ULK4: variants seen among roughly 807,000 people sequenced by gnomAD.
ULK4 encodes the protein unc-51 like kinase 4.
Under a neutral mutation model 160.6 loss-of-function variants are expected in ULK4, and 133 were observed. The observed-to-expected ratio is 0.83, with a 90% CI of 0.72 to 0.96. The LOEUF (loss-of-function observed/expected upper bound fraction) is 0.96, where lower values mean the gene tolerates loss of function less well. Among genes scored for constraint, ULK4 ranks in the 40% least tolerant of loss-of-function variants. The pLI is 0.00. For missense variants in ULK4, 1,580 were observed against 1,499.5 expected (o/e 1.05, Z -0.89); for synonymous variants, 534 against 539.8 (o/e 0.99, Z 0.15).
chr3:41,355,959 T>C (rs966335340), intron 35 of ULK4, among the ~76,000 whole-genome samples: 35 of 152,188 alleles, frequency 2.3e-4, no homozygotes, highest in Non-Finnish European at 4.9e-4. Context: ...AAATACTCTA[T>C]GCAAACCATT....
intron 31 of ULK4, among the ~76,000 whole-genome samples, chr3:41,570,453 T>C (rs1384854910): frequency 6.6e-6 from 1 of 152,216 alleles, no homozygotes; most frequent in East Asian, 1.9e-4. Context: ...TTACTCGTGA[T>C]AAAGTAACCA....
chr3:41,680,616 T>G (rs576874884), intron 29 of ULK4, among the ~76,000 whole-genome samples: 1 of 152,206 alleles, frequency 6.6e-6, no homozygotes, highest in Non-Finnish European at 1.5e-5. Context: ...AAAATCAGAA[T>G]GTAATTACAT....
rs1454005947 is a variant in ULK4, at chr3:41,455,558, G to A, written c.3431C>T (p.Ala1144Val). 6.2e-6 allele frequency: 10 copies of A among 1,613,814 alleles called. No individual in the cohort carries two copies. The highest frequency in any genetic ancestry group is 1.3e-5 in the African/African-American group (1 of 74,896). The change falls in exon 34 of 37, where the codon GCA (alanine) becomes GTA (valine). Residue 1144 changes from alanine to valine, a missense_variant. Physicochemically the swap from Ala to Val is moderately conservative, Grantham distance 64. Transcript: ENST00000301831. ...TCTGTTGAGCAGCAGCAGGTCTTCT[G>A]CAGCCTGAGGGTCCTCTCCTGAGCC... ...KSGSGEDPQA[A>V]EDLLLLNRPL...
At chr3:41,338,981 G>A (rs1287389932) in intron 35 of ULK4, among the ~76,000 whole-genome samples, 1 of 151,658 alleles carries the variant, frequency 6.6e-6, no homozygotes, top group East Asian at 2.0e-4. Flanking sequence ...CTCTGGGGAG[G>A]GCCACTTGCT....
chr3:41,656,225 G>A (rs2034931218), intron 30 of ULK4, among the ~76,000 whole-genome samples: 1 of 152,006 alleles, frequency 6.6e-6, no homozygotes, highest in African/African-American at 2.4e-5. Context: ...GGAAGGGGCG[G>A]GGGGAAAGAA....
chr3:41,663,914 G>A (rs2035269046), intron 29 of ULK4, among the ~76,000 whole-genome samples: 1 of 152,070 alleles, frequency 6.6e-6, no homozygotes, highest in African/African-American at 2.4e-5. Flanking sequence ...AATATAGAAA[G>A]ACAAAAGGAA....
intron 34 of ULK4, among the ~76,000 whole-genome samples, chr3:41,446,473 A>C (rs1448047027): frequency 6.6e-6 from 1 of 152,162 alleles, no homozygotes; most frequent in Admixed American, 6.5e-5. Flanking sequence ...CTTGGAACCA[A>C]GCCAAATGTC....
chr3:41,642,760 A>G (rs995654633), intron 30 of ULK4, among the ~76,000 whole-genome samples: 23 of 152,272 alleles, frequency 1.5e-4, no homozygotes, highest in Admixed American at 6.5e-4. Flanking sequence ...CTGAAGAATC[A>G]CCACACTGAC....
chr3:41,947,157 C>G (rs1020122969), intron 2 of ULK4, among the ~76,000 whole-genome samples: 4 of 152,102 alleles, frequency 2.6e-5, no homozygotes, highest in Admixed American at 1.3e-4. Flanking sequence ...GAAACCCCGT[C>G]TCTACTAAAA....
At position 41,388,026 on chromosome 3, in the gene ULK4, C is replaced by A. The variant is rs1264276656; in HGVS notation, c.3678+10053G>T. 8.1e-4 allele frequency among the ~76,000 whole-genome samples: 124 copies of A among 152,270 alleles called. 1 individual carries two copies. The highest frequency in any genetic ancestry group is 5.4e-3 in the South Asian group (26 of 4,826). On this transcript the variant is annotated intron_variant, in intron 35 of 36. Transcript: ENST00000301831. Reference sequence around the variant, plus strand: ...GTGTTCTTATTTTTCCACATCCTCTCCAGCACCTGTTGTTTCCTGACTTTG... The same window carrying A: ...GTGTTCTTATTTTTCCACATCCTCTACAGCACCTGTTGTTTCCTGACTTTG...
chr3:41,850,221 T>C (rs1164809807), intron 17 of ULK4, among the ~76,000 whole-genome samples: 2 of 152,204 alleles, frequency 1.3e-5, no homozygotes, highest in East Asian at 3.8e-4. Context: ...TTGTGGGACA[T>C]TTGGGTTGGT....
At chr3:41,873,525 A>G (rs1488290675) in intron 17 of ULK4, among the ~76,000 whole-genome samples, 1 of 151,654 alleles carries the variant, frequency 6.6e-6, no homozygotes, top group Non-Finnish European at 1.5e-5. Flanking sequence ...ATTTTACCCT[A>G]CATTTTTAGG....
chr3:41,336,122 G>A (rs2080550281), intron 35 of ULK4, among the ~76,000 whole-genome samples: 1 of 152,186 alleles, frequency 6.6e-6, no homozygotes, highest in Non-Finnish European at 1.5e-5. Flanking sequence ...GCTAGGCCAA[G>A]AGTGTAAGTG....
chr3:41,554,525 T>C lies in ULK4; in HGVS notation c.3226+11500A>G, dbSNP rs142866945. Among the ~76,000 whole-genome samples the C allele has an allele frequency of 3.3e-5, 5 of 152,138 alleles. No homozygotes were observed. In the South Asian group the frequency reaches 8.3e-4, roughly 25 times the overall value. On this transcript the variant is annotated intron_variant, in intron 32 of 36. Coordinates refer to ENST00000301831, the MANE Select transcript of ULK4 (RefSeq NM_017886.4). The stretch of plus-strand genomic sequence containing the variant: ...AAGTTGATCTCATGTAGGTAGAAAG[T>C]AGGATGATAGTTACCAGAGGCTGGG...
chr3:41,917,817 T>C (rs928710594), intron 7 of ULK4, among the ~76,000 whole-genome samples: 2 of 151,696 alleles, frequency 1.3e-5, no homozygotes, highest in Non-Finnish European at 1.5e-5. Context: ...CCGTCTCTAA[T>C]AAAAAACAAA....
At chr3:41,403,861 AGT>A (rs1253219863) in intron 34 of ULK4, among the ~76,000 whole-genome samples, 1 of 152,090 alleles carries the variant, frequency 6.6e-6, no homozygotes, top group Non-Finnish European at 1.5e-5. Context: ...ATGAGTTATC[AGT>A]GTGTTTACTT....
chr3:41,300,836 ATTATAT>A (rs1200587965), intron 35 of ULK4, among the ~76,000 whole-genome samples: 2,593 of 79,364 alleles, frequency 0.033, 161 homozygotes, highest in Middle Eastern at 0.054. Flanking sequence ...CATTTTACAG[ATTATAT>A]ATATATATAT....
intron 17 of ULK4, among the ~76,000 whole-genome samples, chr3:41,838,378 G>A (rs1303921311): frequency 6.6e-6 from 1 of 152,148 alleles, no homozygotes; most frequent in Admixed American, 6.5e-5. Flanking sequence ...GTAAAGGGAT[G>A]AAAAGGAGGG....
At chr3:41,849,006 C>T (rs2042139976) in intron 17 of ULK4, among the ~76,000 whole-genome samples, 1 of 152,182 alleles carries the variant, frequency 6.6e-6, no homozygotes, top group East Asian at 1.9e-4. Context: ...ATTTTCCATA[C>T]TCTCTTCCTC....
Sources: gnomAD v4.1 joint callset for allele counts (sites outside exome capture counted in the v4.1 genomes callset) on GRCh38, gnomAD v4.1.1 for gene constraint, MANE v1.5 for transcripts, NCBI Gene and HGNC (gene_info 2026-07-23, HGNC 2026-07-21) for gene names.